Variants in FNIP1 observed in about 807,000 individuals in gnomAD.
FNIP1 encodes folliculin interacting protein 1.
In FNIP1, 40 loss-of-function variants were observed where a neutral mutation model predicts 124.5. That is an observed-to-expected ratio of 0.32 (90% CI 0.25 to 0.42). FNIP1 has a LOEUF of 0.42. FNIP1 is among the 10% of genes least tolerant of loss of function. The probability of loss-of-function intolerance (pLI) is 1.00; values close to 1 mark genes in which losing one functional copy is unlikely to be tolerated. For synonymous variants in FNIP1, 472 were observed against 470.6 expected (o/e 1.00, Z -0.04); for missense variants, 1,176 against 1,403.7 (o/e 0.84, Z 2.59).
intron 1 of FNIP1, among the ~76,000 whole-genome samples, chr5:131,753,122 T>A (rs187078482): frequency 7.4e-4 from 112 of 152,050 alleles, no homozygotes; most frequent in South Asian, 6.2e-3. Context: ...CCACAAGCAT[T>A]AAAATGGCTA....
chr5:131,725,968 T>C lies in FNIP1; in HGVS notation c.354+4936A>G, dbSNP rs1010923487. On this transcript the variant is annotated intron_variant, in intron 3 of 17. Coordinates refer to ENST00000510461, the MANE Select transcript of FNIP1 (RefSeq NM_133372.3). ...TGAGATAATCATGTGATTTTTGTCA[T>C]TGGTTCTGTTCATGTGATGGATTAC... 2.0e-5 allele frequency among the ~76,000 whole-genome samples: 3 copies of C among 152,350 alleles called. No individual in the cohort carries two copies. In the East Asian group the frequency reaches 5.8e-4, roughly 29 times the overall value.
chr5:131,711,288 C>CA (rs1314220161), intron 6 of FNIP1, among the ~76,000 whole-genome samples: 2 of 152,172 alleles, frequency 1.3e-5, no homozygotes, highest in African/African-American at 4.8e-5. Flanking sequence ...ACCAGACTCC[C>CA]AGCTGTTCAA....
chr5:131,688,197 CA>C (rs917766097), intron 11 of FNIP1, among the ~76,000 whole-genome samples: 3 of 150,108 alleles, frequency 2.0e-5, no homozygotes, highest in Admixed American at 6.6e-5. Context: ...TCCAGTGTAA[CA>C]AATGCAGATT....
intron 1 of FNIP1, among the ~76,000 whole-genome samples, chr5:131,775,774 C>T (rs1021196821): frequency 6.6e-6 from 1 of 151,992 alleles, no homozygotes; most frequent in Non-Finnish European, 1.5e-5. Flanking sequence ...GTGATCCGCC[C>T]GCCTCAGCCT....
intron 17 of FNIP1, among the ~76,000 whole-genome samples, chr5:131,646,246 G>A (rs183151746): frequency 3.3e-5 from 5 of 152,270 alleles, no homozygotes; most frequent in Admixed American, 1.3e-4. Context: ...AAGATATAGA[G>A]TCATTCAAAT....
At chr5:131,749,434 C>T (rs1770793427) in intron 1 of FNIP1, among the ~76,000 whole-genome samples, 1 of 148,102 alleles carries the variant, frequency 6.8e-6, no homozygotes, top group Non-Finnish European at 1.5e-5. Context: ...AGTCTATCGT[C>T]CAGGCTGAAG....
intron 7 of FNIP1, among the ~76,000 whole-genome samples, chr5:131,709,658 T>A (rs1769225530): frequency 6.6e-6 from 1 of 152,192 alleles, no homozygotes; most frequent in Non-Finnish European, 1.5e-5. Context: ...TTTCTGCCTA[T>A]AACAATGTAT....
At chr5:131,725,771 T>C (rs1158035631) in intron 3 of FNIP1, among the ~76,000 whole-genome samples, 1 of 152,218 alleles carries the variant, frequency 6.6e-6, no homozygotes, top group African/African-American at 2.4e-5. Flanking sequence ...CCTTATCTTG[T>C]GCTGGTTTTC....
intron 1 of FNIP1, among the ~76,000 whole-genome samples, chr5:131,792,657 A>G (rs934884494): frequency 4.7e-4 from 72 of 152,344 alleles, no homozygotes; most frequent in Middle Eastern, 3.4e-3. Flanking sequence ...AAGACGCCAC[A>G]GTGGAAAACT....
intron 1 of FNIP1, among the ~76,000 whole-genome samples, chr5:131,793,996 C>T (rs996478587): frequency 6.6e-6 from 1 of 151,918 alleles, no homozygotes; most frequent in Non-Finnish European, 1.5e-5. Flanking sequence ...CAAGATACCA[C>T]TAGAATGGCT....
chr5:131,699,916 CAAAAA>C (rs3033727), intron 10 of FNIP1, among the ~76,000 whole-genome samples: 1 of 93,666 alleles, frequency 1.1e-5, no homozygotes, highest in Admixed American at 1.6e-4. Context: ...AAGACTGTTT[CAAAAA>C]AAAAAAAAAA....
chr5:131,767,524 T>A (rs1326927880), intron 1 of FNIP1, among the ~76,000 whole-genome samples: 1 of 150,208 alleles, frequency 6.7e-6, no homozygotes, highest in East Asian at 2.0e-4. Context: ...AGTTTCTATA[T>A]AATTCAATTT....
At chr5:131,696,597 G>T (rs1053632077) in intron 11 of FNIP1, among the ~76,000 whole-genome samples, 2 of 151,966 alleles carry the variant, frequency 1.3e-5, no homozygotes, top group African/African-American at 4.8e-5. Context: ...TAACGTTATA[G>T]ATATTTTTAC....
At chr5:131,673,523 C>A (rs1020248646) in intron 13 of FNIP1, among the ~76,000 whole-genome samples, 11 of 152,164 alleles carry the variant, frequency 7.2e-5, no homozygotes, top group African/African-American at 2.7e-4. Flanking sequence ...CTCACATATC[C>A]CAAGAATATT....
intron 13 of FNIP1, among the ~76,000 whole-genome samples, chr5:131,673,975 G>A (rs1202074204): frequency 6.6e-6 from 1 of 152,056 alleles, no homozygotes; most frequent in Non-Finnish European, 1.5e-5. Context: ...GGCAGAGGGT[G>A]CACTGAGCCG....
rs1288566862 is a variant in FNIP1, at chr5:131,716,971, C to CA, written c.531-316dup. 3.0e-4 allele frequency among the ~76,000 whole-genome samples: 45 copies of CA among 150,578 alleles called. No individual in the cohort carries two copies. In the East Asian group the frequency reaches 8.1e-3, roughly 27 times the overall value. On this transcript the variant is annotated intron_variant, in intron 5 of 17. Transcript: ENST00000510461. ...CAACCCATTGTCTGGCTCACAAAGCCAAAAAAATATATATATATTTTTTTT... is the reference window on the plus strand; with the variant it reads ...CAACCCATTGTCTGGCTCACAAAGCCAAAAAAAATATATATATATTTTTTTT...
intron 11 of FNIP1, among the ~76,000 whole-genome samples, chr5:131,680,407 C>T (rs1011910744): frequency 1.3e-5 from 2 of 152,034 alleles, no homozygotes; most frequent in African/African-American, 2.4e-5. Context: ...ATAATCATTG[C>T]TAAGAATTTT....
At chr5:131,748,592 G>A (rs1053339515) in intron 1 of FNIP1, among the ~76,000 whole-genome samples, 2 of 150,656 alleles carry the variant, frequency 1.3e-5, no homozygotes, top group South Asian at 2.1e-4. Flanking sequence ...AGCTACTCAG[G>A]AGGCTGAGGC....
intron 1 of FNIP1, among the ~76,000 whole-genome samples, chr5:131,784,008 CAA>C (rs34867527): frequency 5.0e-5 from 7 of 140,050 alleles, no homozygotes; most frequent in African/African-American, 1.4e-4. Flanking sequence ...CTGCCCCCAA[CAA>C]AAAAAAAAAA....
Sources: allele counts gnomAD v4.1 joint callset (sites outside exome capture counted in the v4.1 genomes callset), GRCh38; gene constraint gnomAD v4.1.1; transcripts MANE v1.5; gene names NCBI Gene and HGNC (gene_info 2026-07-23, HGNC 2026-07-21).